F8: variants seen among roughly 807,000 people sequenced by gnomAD.
The protein encoded by F8 is coagulation factor VIII.
F8 carries 12 observed loss-of-function variants against 140.6 expected under a neutral mutation model. The ratio of observed to expected loss-of-function variants is 0.09; its 90% CI spans 0.05 to 0.14. The LOEUF is 0.14. F8 is among the 10% of genes least tolerant of loss of function. The pLI, the probability that F8 is intolerant of heterozygous loss-of-function variation, is 1.00. For missense variants in F8, 1,354 were observed against 1,720.7 expected, an observed-to-expected ratio of 0.79 and a Z score of 3.77; for synonymous variants, 585 against 614.6, an observed-to-expected ratio of 0.95 and a Z score of 0.71.
chrX:154,948,321 C>G (rs980288449), intron 12 of F8, among the ~76,000 whole-genome samples: 14 of 111,443 alleles, frequency 1.3e-4, no homozygotes, highest in African/African-American at 4.2e-4. Context: ...GAAGAAAATG[C>G]TATAAATGAC....
At chrX:155,005,795 C>T (rs933869959) in intron 1 of F8, among the ~76,000 whole-genome samples, 2 of 112,050 alleles carry the variant, frequency 1.8e-5, no homozygotes, top group Non-Finnish European at 3.8e-5. Flanking sequence ...TCACCACATC[C>T]AAACTCATGC....
At chrX:154,978,121 A>G (rs1456004626) in intron 6 of F8, among the ~76,000 whole-genome samples, 2 of 109,188 alleles carry the variant, frequency 1.8e-5, no homozygotes, top group African/African-American at 6.7e-5. Context: ...CTTTTTTGAT[A>G]TCTATCTCTT....
At chrX:154,890,211 A>G (rs192624285) in intron 22 of F8, among the ~76,000 whole-genome samples, 2,533 of 102,111 alleles carry the variant, frequency 0.025, 117 homozygotes, top group Admixed American at 0.13. Flanking sequence ...TTCAACGTGT[A>G]AAAACTATTC....
In F8 at chrX:154,897,806, A is replaced by C. The variant is rs782721143; in HGVS notation, c.6274-1574T>G. The C allele has an allele frequency of 3.5e-5, 4 of 112,713 alleles. No homozygotes were observed. The Admixed American group carries it at 3.7e-4, about 11-fold the overall frequency. 9.3% of individuals were successfully genotyped at this position (112,713 alleles called of 1,213,427 possible). ...GCTAGAATAAAGCTGCAATAGAACC[A>C]GGCTACAATAAAGCCTTGGCAGCCT... On this transcript the variant is annotated intron_variant, in intron 21 of 25. Coordinates refer to ENST00000360256, the MANE Select transcript of F8 (RefSeq NM_000132.4).
Position 154,978,125 on chromosome X carries a change from A to G in F8, c.787+6562T>C, listed in dbSNP as rs184775136. ...TTTGTTTGGTTCTTTTTTGATATCT[A>G]TCTCTTGGGTAAATTTCTCTTTCAT... On this transcript the variant is annotated intron_variant, in intron 6 of 25. Transcript: ENST00000360256. Among the ~76,000 whole-genome samples, 828 of 108,403 alleles carry G rather than the reference A, an allele frequency of 7.6e-3. 9 individuals are homozygous for G. The highest frequency in any genetic ancestry group is 0.026 in the African/African-American group (782 of 29,804). The allele number at this position is 108,403 out of a possible 115,157, so 94.1% of individuals were successfully genotyped here. A position where few individuals can be genotyped will look rare whatever the true frequency, so the allele number is the denominator to read the frequency against.
intron 22 of F8, among the ~76,000 whole-genome samples, chrX:154,876,115 A>ATT (rs58675912): frequency 1.5e-3 from 125 of 81,401 alleles, no homozygotes; most frequent in African/African-American, 4.6e-3. Flanking sequence ...TATCATGGGA[A>ATT]TTTTTTTTTT....
chrX:154,947,829 A>G lies in F8; in HGVS notation c.1982T>C (p.Ile661Thr). 2 of 1,210,560 alleles carry G rather than the reference A, an allele frequency of 1.7e-6. No individual in the cohort carries two copies. The highest frequency in any genetic ancestry group is 2.2e-6 in the Non-Finnish European group (2 of 894,383). Residue 661 changes from isoleucine (I) to threonine (T), a missense_variant, in exon 13 of 26, where the codon ATT becomes ACT. Coordinates refer to ENST00000360256, the MANE Select transcript of F8 (RefSeq NM_000132.4). ...HEVAYWYILS[I>T]GAQTDFLSVF... Reference sequence around the variant, plus strand: ...AGAAAGGAAGTCAGTCTGTGCTCCAATGCTTAGAATGTACCAGTATGCCAC... The same window carrying G: ...AGAAAGGAAGTCAGTCTGTGCTCCAGTGCTTAGAATGTACCAGTATGCCAC...
rs781789010 is a variant in F8 at position 154,932,200 on chromosome X, A to G, written c.2114-524T>C. On this transcript the variant is annotated intron_variant, in intron 13 of 25. Transcript: ENST00000360256. ...AAATGAGGCTAATAGTATCTACCCC[A>G]TCATATAATACATTGAAATCACATA... is the stretch of plus-strand genomic sequence containing the variant. 6.2e-5 allele frequency among the ~76,000 whole-genome samples: 7 copies of G among 112,035 alleles called. No homozygotes were observed. In the South Asian group the frequency reaches 2.6e-3, roughly 42 times the overall value.
At chrX:154,864,350 C>A (rs1557273046) in intron 22 of F8, among the ~76,000 whole-genome samples, 1 of 112,615 alleles carries the variant, frequency 8.9e-6, no homozygotes, top group African/African-American at 3.2e-5. Context: ...GAGTACCCAA[C>A]TTCAGACCAG....
intron 22 of F8, among the ~76,000 whole-genome samples, chrX:154,891,195 AG>A (rs782570742): frequency 4.0e-4 from 45 of 112,670 alleles, no homozygotes; most frequent in African/African-American, 1.4e-3. Flanking sequence ...CTATAAATCA[AG>A]GCCTTTACTT....
At position 154,957,061 on chromosome X, in the gene F8, G is replaced by A. The variant is rs137852417; in HGVS notation, c.1648C>T (p.Arg550Cys). The change falls in exon 11 of 26, where the codon CGC (arginine) becomes TGC (cysteine). Residue 550 changes from arginine (R) to cysteine (C), a missense_variant. Transcript: ENST00000360256. ...PTKSDPRCLT[R>C]YYSSFVNMER... Reference sequence around the variant, plus strand: ...ATATTAACGAAACTAGAGTAATAGCGGGTCAGGCACCGAGGATCTGATTTA... The same window carrying A: ...ATATTAACGAAACTAGAGTAATAGCAGGTCAGGCACCGAGGATCTGATTTA... 1.7e-6 allele frequency: 2 copies of A among 1,206,680 alleles called. No individual in the cohort carries two copies. The highest frequency in any genetic ancestry group is 2.2e-6 in the Non-Finnish European group (2 of 892,689).
In F8 at chrX:154,912,243, C is replaced by T. The variant is rs1455782592; in HGVS notation, c.5220-5670G>A. 2.7e-5 allele frequency among the ~76,000 whole-genome samples: 3 copies of T among 111,986 alleles called. No individual in the cohort carries two copies. The Admixed American group carries it at 2.8e-4, about 11-fold the overall frequency. On this transcript the variant is annotated intron_variant, in intron 14 of 25. Transcript: ENST00000360256. The stretch of plus-strand genomic sequence containing the variant: ...TCTACTTTTGCTTTAGTTGTCTGTG[C>T]TTTTGATATTTCCCAGGCCATAAAA...
intron 16 of F8, 82 bp downstream of exon 16, chrX:154,904,729 A>G: frequency 1.1e-6 from 1 of 890,782 alleles, no homozygotes. Context: ...TATTGCACGT[A>G]GGATAAATAT....
At position 154,999,522 on chromosome X, in the gene F8, C is replaced by T. The variant is rs1232517683; in HGVS notation, c.222G>A (p.Thr74=). Residue 74 remains threonine (T), a synonymous_variant, in exon 2 of 26, where the codon ACG becomes ACA. Coordinates refer to ENST00000360256, the MANE Select transcript of F8 (RefSeq NM_000132.4). ...GCTTAGCGATGTTGAAAAGGTGATC[C>T]GTGAATTCTACAAACAGAGTCTTTT... ...VYKKTLFVEF[T]DHLFNIAKPR... 17 of 1,206,490 alleles carry T rather than the reference C, an allele frequency of 1.4e-5. No individual in the cohort carries two copies. In the Admixed American group the frequency reaches 2.2e-4, roughly 16 times the overall value.
chrX:154,921,901 G>A (rs782084951), intron 14 of F8, among the ~76,000 whole-genome samples: 8 of 110,175 alleles, frequency 7.3e-5, no homozygotes, highest in Admixed American at 3.9e-4. Flanking sequence ...AAGAGGGAGG[G>A]ATAGCATTAG....
chrX:154,961,490 C>T (rs2073395441), intron 9 of F8, among the ~76,000 whole-genome samples: 1 of 111,528 alleles, frequency 9.0e-6, no homozygotes, highest in African/African-American at 3.3e-5. Context: ...CATAATATAA[C>T]ATAAATGCTA....
At chrX:154,934,588 G>A (rs2073214071) in intron 13 of F8, among the ~76,000 whole-genome samples, 1 of 111,572 alleles carries the variant, frequency 9.0e-6, no homozygotes, top group Non-Finnish European at 1.9e-5. Context: ...TGCACTGTAA[G>A]TCTGTTTTGC....
Position 154,928,812 on chromosome X carries a change from G to A in F8, c.4978C>T (p.Pro1660Ser), listed in dbSNP as rs200274569. 1.2e-4 allele frequency: 145 copies of A among 1,209,836 alleles called. No homozygotes were observed. Among genetic ancestry groups the A allele is most frequent in the South Asian group, 2.8e-4 (16 of 56,784 alleles). Residue 1660 changes from proline to serine, a missense_variant, in exon 14 of 26, where the codon CCA becomes TCA. Pro to Ser is a moderately conservative substitution (Grantham distance 74). Coordinates refer to ENST00000360256, the MANE Select transcript of F8 (RefSeq NM_000132.4). ...RTERLCSQNP[P>S]VLKRHQREIT... ...TCCCGTTGATGGCGTTTCAAGACTG[G>A]TGGGTTTTGAGAGCACAGCCTTTCA...
Position 154,902,367 on chromosome X carries a change from C to T in F8, c.5999-200G>A, listed in dbSNP as rs145776853. On this transcript the variant is annotated intron_variant, in intron 18 of 25. Coordinates refer to ENST00000360256, the MANE Select transcript of F8 (RefSeq NM_000132.4). ...AGATTGAGTTCTGACCACTCCCCTC[C>T]CCCCAGGAGATGAGAAACAGGGTGA... is the stretch of plus-strand genomic sequence containing the variant. Among the ~76,000 whole-genome samples the T allele has an allele frequency of 3.0e-3, 335 of 111,347 alleles. 1 individual carries two copies. Among genetic ancestry groups the T allele is most frequent in the African/African-American group, 0.011 (325 of 30,578 alleles).
Sources: allele counts gnomAD v4.1 joint callset (sites outside exome capture counted in the v4.1 genomes callset), GRCh38; gene constraint gnomAD v4.1.1; transcripts MANE v1.5; gene names NCBI Gene and HGNC (gene_info 2026-07-23, HGNC 2026-07-21).